The following MARCHF7 variants were observed in gnomAD, a reference collection of about 807,000 sequenced individuals.
MARCHF7 encodes the protein membrane associated ring-CH-type finger 7, also known as E3 ubiquitin-protein ligase MARCHF7.
Under a neutral mutation model 76.5 loss-of-function variants are expected in MARCHF7, and 20 were observed. The ratio of observed to expected loss-of-function variants is 0.26; its 90% CI spans 0.18 to 0.38. MARCHF7 has a LOEUF of 0.38. MARCHF7 is among the 10% of genes least tolerant of loss of function. The pLI is 1.00. For synonymous variants in MARCHF7, 295 were observed against 293.0 expected, an observed-to-expected ratio of 1.01 and a Z score of -0.07; for missense variants, 797 against 812.9, an observed-to-expected ratio of 0.98 and a Z score of 0.24.
chr2:159,713,316 T>G (rs548734451), intron 1 of MARCHF7, among the ~76,000 whole-genome samples: 75 of 152,312 alleles, frequency 4.9e-4, no homozygotes, highest in Admixed American at 2.3e-3. Context: ...TGAAACTGCG[T>G]ATTGAAGATG....
At chr2:159,747,687 T>C in intron 6 of MARCHF7, 118 bp from the exon 7 acceptor site, 1 of 917,380 alleles carries the variant, frequency 1.1e-6, no homozygotes, top group Non-Finnish European at 1.6e-6. Flanking sequence ...ACTCTGTAGT[T>C]ACAATATAAC....
chr2:159,728,931 C>A, intron 3 of MARCHF7, 78 bp from the exon 4 acceptor site: 2 of 781,780 alleles, frequency 2.6e-6, no homozygotes, highest in Non-Finnish European at 3.8e-6. Context: ...TTTATTTGAG[C>A]TGATGATTAA....
intron 4 of MARCHF7, among the ~76,000 whole-genome samples, 185 bp downstream of exon 4, chr2:159,729,360 T>C (rs774715738): frequency 1.3e-5 from 2 of 152,134 alleles, no homozygotes; most frequent in African/African-American, 2.4e-5. Context: ...GGATAACAGA[T>C]TGTAACCTCA....
intron 3 of MARCHF7, among the ~76,000 whole-genome samples, chr2:159,727,456 CGGGAGCCTGTAGTCCCAGCTCCTT>C (rs1702300758): frequency 6.6e-6 from 1 of 152,086 alleles, no homozygotes; most frequent in African/African-American, 2.4e-5. Flanking sequence ...GGCGTGGTGG[CGGGAGCCTGTAGTCCCAGCTCCTT>C]GGGAGGCTGA....
intron 4 of MARCHF7, among the ~76,000 whole-genome samples, chr2:159,740,463 A>G (rs983507002): frequency 6.6e-6 from 1 of 152,260 alleles, no homozygotes; most frequent in African/African-American, 2.4e-5. Flanking sequence ...CTACTGGTCA[A>G]AAGTGACAGT....
chr2:159,758,246 T>G (rs542330212), intron 8 of MARCHF7, among the ~76,000 whole-genome samples: 5 of 152,318 alleles, frequency 3.3e-5, no homozygotes, highest in African/African-American at 1.2e-4. Flanking sequence ...ACAAGACTAC[T>G]ACCTACCAAA....
At chr2:159,742,860 C>T (rs1318739686) in intron 4 of MARCHF7, among the ~76,000 whole-genome samples, 1 of 151,958 alleles carries the variant, frequency 6.6e-6, no homozygotes, top group African/African-American at 2.4e-5. Flanking sequence ...TCGTTTGAAC[C>T]CTGGAGGCAA....
intron 3 of MARCHF7, among the ~76,000 whole-genome samples, chr2:159,727,358 C>T (rs997483673): frequency 5.9e-5 from 9 of 152,130 alleles, no homozygotes; most frequent in Admixed American, 2.0e-4. Context: ...GAGGCCGAGG[C>T]GGGCAGATCA....
In MARCHF7 at chr2:159,723,067, A is replaced by G. The variant is rs115125730; in HGVS notation, c.-14-5942A>G. Among the ~76,000 whole-genome samples the G allele has an allele frequency of 6.8e-3, 1,039 of 152,334 alleles. 6 individuals carry two copies. Among genetic ancestry groups the G allele is most frequent in the Non-Finnish European group, 9.6e-3 (654 of 68,034 alleles). On this transcript the variant is annotated intron_variant, in intron 3 of 11. Coordinates refer to ENST00000409175, the MANE Select transcript of MARCHF7 (RefSeq NM_001282805.2). Reference sequence around the variant, plus strand: ...GTTTCCCAAAAATCCTCTGATTGCAAATACAGTCCCTTTAGTGTCTTCATA... The same window carrying G: ...GTTTCCCAAAAATCCTCTGATTGCAGATACAGTCCCTTTAGTGTCTTCATA...
chr2:159,731,491 ACGCCTG>A (rs1702781580), intron 4 of MARCHF7, among the ~76,000 whole-genome samples: 1 of 152,282 alleles, frequency 6.6e-6, no homozygotes, highest in East Asian at 1.9e-4. Flanking sequence ...ATGGTGGCTC[ACGCCTG>A]TAGTCCCAGC....
intron 8 of MARCHF7, among the ~76,000 whole-genome samples, chr2:159,754,759 T>G (rs1706082280): frequency 6.6e-6 from 1 of 152,080 alleles, no homozygotes; most frequent in Non-Finnish European, 1.5e-5. Flanking sequence ...TTGATATGGG[T>G]GTTGATCAGT....
At chr2:159,746,782 T>C (rs1335352385) in intron 6 of MARCHF7, among the ~76,000 whole-genome samples, 1 of 152,202 alleles carries the variant, frequency 6.6e-6, no homozygotes, top group East Asian at 1.9e-4. Context: ...TTGACAAATA[T>C]AGTAGGCAGA....
At chr2:159,720,309 C>T (rs927220430) in intron 3 of MARCHF7, among the ~76,000 whole-genome samples, 5 of 152,224 alleles carry the variant, frequency 3.3e-5, no homozygotes, top group African/African-American at 1.2e-4. Context: ...CAGGCATGAG[C>T]CACTGCACCC....
At chr2:159,750,130 T>A (rs1434217139) in intron 7 of MARCHF7, among the ~76,000 whole-genome samples, 3 of 152,216 alleles carry the variant, frequency 2.0e-5, no homozygotes. Context: ...GGTCTCAAAC[T>A]CCTGGCTTCA....
At chr2:159,731,981 G>A (rs1349467113) in intron 4 of MARCHF7, among the ~76,000 whole-genome samples, 2 of 151,872 alleles carry the variant, frequency 1.3e-5, no homozygotes, top group Non-Finnish European at 2.9e-5. Context: ...GCGGGCGCCT[G>A]TAGTCCCAGC....
chr2:159,721,286 G>A (rs1701613033), intron 3 of MARCHF7, among the ~76,000 whole-genome samples: 2 of 152,074 alleles, frequency 1.3e-5, no homozygotes, highest in South Asian at 4.1e-4. Flanking sequence ...TTCTTAGGAT[G>A]CCCAGAGGAA....
In MARCHF7 at chr2:159,764,669, T is replaced by G. The variant is rs772798420; in HGVS notation, c.2051T>G (p.Leu684Arg). 1 of 1,601,556 alleles carries G rather than the reference T, an allele frequency of 6.2e-7. No individual in the cohort carries two copies. The highest frequency in any genetic ancestry group is 1.1e-5 in the South Asian group (1 of 88,940). Residue 684 changes from leucine (L) to arginine (R), a missense_variant, in exon 11 of 12, where the codon CTC (leucine) becomes CGC (arginine). By Grantham distance (102) the Leu-to-Arg change is moderately radical. This residue lies in a region of MARCHF7 where 124 missense variants were observed against 121.3 expected (regional missense o/e 1.02). Coordinates refer to ENST00000409175, the MANE Select transcript of MARCHF7 (RefSeq NM_001282805.2). ...ACTCTTCAGGCACATATGGAAGATC[T>G]CGAAAGTAGGTGGAATTTCCCCTCC... is the stretch of plus-strand genomic sequence containing the variant. ...ARTLQAHMED[L>R]ETSEDDSEED...
intron 3 of MARCHF7, among the ~76,000 whole-genome samples, chr2:159,725,461 G>T (rs1316701605): frequency 9.9e-5 from 15 of 152,258 alleles, no homozygotes; most frequent in Admixed American, 6.5e-4. Flanking sequence ...TCATGTGTCT[G>T]TTGGCTGCAT....
Position 159,750,587 on chromosome 2 carries a change from A to G in MARCHF7, c.1613+1684A>G, listed in dbSNP as rs1705519894. Among the ~76,000 whole-genome samples the G allele has an allele frequency of 2.0e-5, 3 of 152,342 alleles. No individual in the cohort carries two copies. The South Asian group carries it at 6.2e-4, about 32-fold the overall frequency. On this transcript the variant is annotated intron_variant, in intron 7 of 11. Coordinates refer to ENST00000409175, the MANE Select transcript of MARCHF7 (RefSeq NM_001282805.2). Reference sequence around the variant, plus strand: ...CAGGGCATAGAATCTTTTTATACAAAGAAATCTTTATAGAGTTGAAGGTTG... The same window carrying G: ...CAGGGCATAGAATCTTTTTATACAAGGAAATCTTTATAGAGTTGAAGGTTG...
Sources: gnomAD v4.1 joint callset for allele counts (sites outside exome capture counted in the v4.1 genomes callset) on GRCh38, gnomAD v4.1.1 for gene constraint, gnomAD v4.1.1 regional missense constraint, MANE v1.5 for transcripts, NCBI Gene and HGNC (gene_info 2026-07-23, HGNC 2026-07-21) for gene names.